Variants in LRRK1 observed in about 807,000 individuals in gnomAD.
LRRK1 encodes the protein leucine rich repeat kinase 1, also known as leucine-rich repeat serine/threonine-protein kinase 1.
A neutral mutation model predicts 209.1 loss-of-function variants in LRRK1; 113 were observed. The observed-to-expected ratio is 0.54, with a 90% CI of 0.46 to 0.63. The LOEUF (loss-of-function observed/expected upper bound fraction) is 0.63. LRRK1 is among the 30% of genes least tolerant of loss of function. The pLI is 0.00. For missense variants in LRRK1, 2,284 were observed against 2,632.2 expected (o/e 0.87, Z 2.89); for synonymous variants, 1,144 against 1,099.7 (o/e 1.04, Z -0.80).
Position 101,029,149 on chromosome 15 carries a change from G to A in LRRK1, c.2880G>A (p.Gly960=). 6.2e-7 allele frequency: 1 copy of A among 1,614,190 alleles called. No homozygotes were observed. Among genetic ancestry groups the A allele is most frequent in the South Asian group, 1.1e-5 (1 of 91,080 alleles). The change falls in exon 20 of 34, where the codon GGG becomes GGA. Residue 960 remains glycine, a synonymous_variant. Transcript: ENST00000388948. ...RAEDLRMLLV[G]TGFTQQTEEQ... ...AAGACCTCAGGATGCTGCTGGTGGG[G>A]ACTGGCTTCACGCAGCAGACGGAAG... is the stretch of plus-strand genomic sequence containing the variant.
chr15:100,985,452 C>G (rs1294585104), intron 4 of LRRK1, among the ~76,000 whole-genome samples: 1 of 152,132 alleles, frequency 6.6e-6, no homozygotes, highest in East Asian at 1.9e-4. Context: ...ACCTCCTGGC[C>G]AAGCAGGGGA....
Position 101,022,193 on chromosome 15 carries a change from G to C in LRRK1, c.1853-190G>C. ...CTGGGCAGCAAGGATTTTGTCCATA[G>C]GTTCTTGCCTCTTAGAGTTCGCTTT... On this transcript the variant is annotated intron_variant, in intron 14 of 33. Coordinates refer to ENST00000388948, the MANE Select transcript of LRRK1 (RefSeq NM_024652.6). The surrounding 1 kb of genome is among the most constrained non-coding windows in gnomAD (Gnocchi z 4.0). The C allele has an allele frequency of 3.1e-6, 2 of 649,780 alleles. No homozygotes were observed. Among genetic ancestry groups the C allele is most frequent in the Non-Finnish European group, 5.3e-6 (2 of 379,056 alleles). The allele number at this position is 649,780 out of a possible 1,614,324, so 40.3% of individuals were successfully genotyped here.
At chr15:100,988,425 C>T (rs1274888446) in intron 4 of LRRK1, 15 of 601,144 alleles carry the variant, frequency 2.5e-5, no homozygotes, top group Non-Finnish European at 4.2e-5. Context: ...TGCGTTAGTT[C>T]ACTTAGGATA....
At chr15:101,058,678 G>GGGGTGTTTTCAAGGGAGTGATACAGA (rs1462676954) in intron 29 of LRRK1, among the ~76,000 whole-genome samples, 2 of 150,230 alleles carry the variant, frequency 1.3e-5, no homozygotes, top group Non-Finnish European at 3.0e-5. Context: ...CAGAGGCATT[G>GGGGTGTTTTCAAGGGAGTGATACAGA]GGGTGTTTTC....
chr15:101,014,569 TCA>T, intron 11 of LRRK1, 141 bp downstream of exon 11: 1 of 666,528 alleles, frequency 1.5e-6, no homozygotes, highest in South Asian at 1.7e-5. Context: ...AATCACTGCC[TCA>T]CAGCCCTGGG....
intron 6 of LRRK1, among the ~76,000 whole-genome samples, chr15:100,990,590 T>G (rs1346851730): frequency 3.9e-5 from 6 of 152,194 alleles, no homozygotes; most frequent in Non-Finnish European, 2.9e-5. Flanking sequence ...CCATGTTATA[T>G]TAGTAATAAT....
chr15:101,019,262 A>G (rs111523509), intron 12 of LRRK1, among the ~76,000 whole-genome samples: 16 of 152,368 alleles, frequency 1.1e-4, no homozygotes, highest in African/African-American at 2.9e-4. Context: ...GAAAGCACAG[A>G]GGCCAGGTGT....
chr15:101,064,152 A>C (rs766134769), intron 31 of LRRK1, among the ~76,000 whole-genome samples: 19 of 152,264 alleles, frequency 1.2e-4, no homozygotes, highest in Non-Finnish European at 2.4e-4. Context: ...AGGACTGCAG[A>C]TAGAGACCTG....
At chr15:101,051,062 A>G (rs1037993272) in intron 23 of LRRK1, among the ~76,000 whole-genome samples, 1 of 152,100 alleles carries the variant, frequency 6.6e-6, no homozygotes, top group East Asian at 1.9e-4. Context: ...GCCCCTCCCA[A>G]CGGGATGCCT....
At chr15:100,992,122 T>A (rs955573350) in intron 6 of LRRK1, among the ~76,000 whole-genome samples, 10 of 152,212 alleles carry the variant, frequency 6.6e-5, no homozygotes, top group African/African-American at 1.9e-4. Context: ...TGAATTGATC[T>A]ATAATTTTCT....
At chr15:101,033,993 T>A (rs745763934) in intron 20 of LRRK1, among the ~76,000 whole-genome samples, 1 of 152,244 alleles carries the variant, frequency 6.6e-6, no homozygotes, top group Non-Finnish European at 1.5e-5. Context: ...ATTGTGGTTT[T>A]GATTTGCATT....
In LRRK1 at chr15:101,051,656, G is replaced by T. The variant is rs943976906; in HGVS notation, c.3440-55G>T. ...CCTGGGGTGCAGAGTGCTGCTCGGG[G>T]GGCCCTCCTGCACCACCTTCTTGTG... On this transcript the variant is annotated intron_variant, in intron 23 of 33. Transcript: ENST00000388948. 2.0e-5 allele frequency: 32 copies of T among 1,582,536 alleles called. No homozygotes were observed. The African/African-American group carries it at 3.2e-4, about 16-fold the overall frequency.
Position 100,973,960 on chromosome 15 carries a change from T to C in LRRK1, c.254T>C (p.Leu85Pro). Reference sequence around the variant, plus strand: ...GCCTGCGACCAGTGCGCGTCCCAGCTGGAAAAGGTAGGGGAGCGCCTGCCC... The same window carrying C: ...GCCTGCGACCAGTGCGCGTCCCAGCCGGAAAAGGTAGGGGAGCGCCTGCCC... ...EEACDQCASQ[L>P]EKGQLLSIPA... is the part of the protein sequence containing the mutation. Residue 85 changes from leucine (L) to proline (P), a missense_variant, in exon 3 of 34, where the codon CTG becomes CCG. Leu to Pro is a moderately conservative substitution (Grantham distance 98). Around this residue, in one of 6 missense-constraint regions of LRRK1, gnomAD observed 174 missense variants for 133.5 expected, o/e 1.30. Coordinates refer to ENST00000388948, the MANE Select transcript of LRRK1 (RefSeq NM_024652.6). 1 of 1,249,952 alleles carries C rather than the reference T, an allele frequency of 8.0e-7. No homozygotes were observed. The highest frequency in any genetic ancestry group is 3.6e-5 in the South Asian group (1 of 27,994). 77.4% of individuals were successfully genotyped at this position (1,249,952 alleles called of 1,614,324 possible). A position where few individuals can be genotyped will look rare whatever the true frequency, so the allele number is the denominator to read the frequency against.
chr15:100,992,988 G>A (rs1183092136), intron 6 of LRRK1, among the ~76,000 whole-genome samples: 1 of 152,136 alleles, frequency 6.6e-6, no homozygotes, highest in African/African-American at 2.4e-5. Context: ...GAGTTTTGTT[G>A]ATGGTGTTGA....
At chr15:101,045,113 A>C (rs1030976127) in intron 20 of LRRK1, among the ~76,000 whole-genome samples, 1 of 152,238 alleles carries the variant, frequency 6.6e-6, no homozygotes. Context: ...GAGAGCCGAG[A>C]CTTGCGCCTG....
Position 101,048,852 on chromosome 15 carries a change from AG to A in LRRK1, c.3299+196del, listed in dbSNP as rs200954035. ...GGCTCCGGTCTCCTCACCCCTGCTG[AG>A]CCCCCCTTGCAGGACGGGAAAGGCA... On this transcript the variant is annotated intron_variant, in intron 22 of 33. Coordinates refer to ENST00000388948, the MANE Select transcript of LRRK1 (RefSeq NM_024652.6). 6.1e-3 allele frequency among the ~76,000 whole-genome samples: 928 copies of A among 152,280 alleles called. 15 individuals carry two copies. The highest frequency in any genetic ancestry group is 0.021 in the African/African-American group (871 of 41,548).
intron 20 of LRRK1, among the ~76,000 whole-genome samples, chr15:101,030,016 A>G (rs2034212208): frequency 6.6e-6 from 1 of 152,222 alleles, no homozygotes; most frequent in African/African-American, 2.4e-5. Flanking sequence ...AAATAGAGGC[A>G]TTCCATATAG....
chr15:100,937,683 C>T (rs1460807067), intron 2 of LRRK1, among the ~76,000 whole-genome samples: 2 of 151,796 alleles, frequency 1.3e-5, no homozygotes, highest in Non-Finnish European at 2.9e-5. Context: ...TACAGGCGCC[C>T]GCCACCACGC....
chr15:101,031,695 G>C (rs1173881084), intron 20 of LRRK1, among the ~76,000 whole-genome samples: 1 of 151,672 alleles, frequency 6.6e-6, no homozygotes, highest in Non-Finnish European at 1.5e-5. Flanking sequence ...CCAAGAGACT[G>C]TATGCTCCTC....
Sources: gnomAD v4.1 joint callset for allele counts (sites outside exome capture counted in the v4.1 genomes callset) on GRCh38, gnomAD v4.1.1 for gene constraint, gnomAD v4.1.1 regional missense constraint, Gnocchi (gnomAD v3.1) non-coding constraint, MANE v1.5 for transcripts, NCBI Gene and HGNC (gene_info 2026-07-23, HGNC 2026-07-21) for gene names.